Variants in NSD1 observed in about 807,000 individuals in gnomAD.
The protein encoded by NSD1 is histone-lysine N-methyltransferase, H3 lysine-36 specific.
NSD1 carries 26 observed loss-of-function variants against 242.7 expected under a neutral mutation model. The observed-to-expected ratio is 0.11, with a 90% CI of 0.08 to 0.15. The LOEUF (loss-of-function observed/expected upper bound fraction) is 0.15. Among genes scored for constraint, NSD1 ranks in the 10% least tolerant of loss-of-function variants. The pLI, the probability that NSD1 is intolerant of heterozygous loss-of-function variation, is 1.00. For missense variants in NSD1, 2,495 were observed against 3,272.8 expected, an observed-to-expected ratio of 0.76 and a Z score of 5.80; for synonymous variants, 1,106 against 1,178.1, an observed-to-expected ratio of 0.94 and a Z score of 1.25.
intron 2 of NSD1, among the ~76,000 whole-genome samples, chr5:177,190,694 G>T (rs546214045): frequency 7.9e-5 from 12 of 151,432 alleles, no homozygotes; most frequent in Non-Finnish European, 8.8e-5. Flanking sequence ...TTCCGAGACG[G>T]AGTCTTGCTC....
At chr5:177,286,844 C>T (rs900256440) in intron 20 of NSD1, among the ~76,000 whole-genome samples, 1 of 152,190 alleles carries the variant, frequency 6.6e-6, no homozygotes, top group African/African-American at 2.4e-5. Flanking sequence ...TTCCTGTGTT[C>T]ATCAGCTCAG....
At chr5:177,271,519 A>G (rs1204093030) in intron 16 of NSD1, among the ~76,000 whole-genome samples, 3 of 152,204 alleles carry the variant, frequency 2.0e-5, no homozygotes, top group African/African-American at 7.2e-5. Context: ...TGACTCTTAT[A>G]GTAGGGCCAG....
rs1379559226 is a variant in NSD1, at chr5:177,185,988, TTTTATATTATATAA to T, written c.928-5882_928-5869del. Among the ~76,000 whole-genome samples, 43 of 101,724 alleles carry T rather than the reference TTTTATATTATATAA, an allele frequency of 4.2e-4. No individual in the cohort carries two copies. The South Asian group carries it at 9.1e-3, about 21-fold the overall frequency. 66.7% of individuals were successfully genotyped at this position (101,724 alleles called of 152,430 possible). A position where few individuals can be genotyped will look rare whatever the true frequency, so the allele number is the denominator to read the frequency against. On this transcript the variant is annotated intron_variant, in intron 2 of 22. Coordinates refer to ENST00000439151, the MANE Select transcript of NSD1 (RefSeq NM_022455.5). ...ATATAACTATATTATATATTATATA[TTTTATATTATATAA>T]TTTATATTATATATTATATATTATA... is the stretch of plus-strand genomic sequence containing the variant.
chr5:177,193,700 C>G (rs970060090), intron 3 of NSD1, among the ~76,000 whole-genome samples: 12 of 152,192 alleles, frequency 7.9e-5, no homozygotes, highest in African/African-American at 2.9e-4. Flanking sequence ...TCAGCTTACT[C>G]TCTGCTTTGC....
At chr5:177,188,956 T>C (rs1174152892) in intron 2 of NSD1, among the ~76,000 whole-genome samples, 1 of 151,944 alleles carries the variant, frequency 6.6e-6, no homozygotes, top group Non-Finnish European at 1.5e-5. Context: ...GATGGGAGGA[T>C]GGGTTGAGCT....
chr5:177,221,301 GT>G (rs368752639), intron 5 of NSD1, among the ~76,000 whole-genome samples: 145 of 138,776 alleles, frequency 1.0e-3, no homozygotes, highest in African/African-American at 1.2e-3. Context: ...CTTGTTTTTT[GT>G]TTTTTTTTTT....
At chr5:177,194,602 T>A (rs55716241) in intron 3 of NSD1, among the ~76,000 whole-genome samples, 30,812 of 134,984 alleles carry the variant, frequency 0.23, 4,346 homozygotes, top group East Asian at 0.5. Context: ...TTTTTTTTTT[T>A]AAAAAGGATG....
At chr5:177,145,684 G>A (rs1757180962) in intron 2 of NSD1, among the ~76,000 whole-genome samples, 1 of 152,006 alleles carries the variant, frequency 6.6e-6, no homozygotes, top group Admixed American at 6.6e-5. Context: ...AGGCTGAGGT[G>A]GATCACCTGA....
intron 2 of NSD1, among the ~76,000 whole-genome samples, chr5:177,152,160 A>G (rs776072093): frequency 4.6e-5 from 7 of 151,880 alleles, no homozygotes; most frequent in Non-Finnish European, 8.8e-5. Context: ...GCACCTGGCC[A>G]TGCCCAGCTA....
intron 2 of NSD1, chr5:177,136,806 GTTTTA>G (rs1187640751): frequency 3.0e-5 from 18 of 597,896 alleles, no homozygotes; most frequent in South Asian, 7.7e-5. Context: ...GTTTTGTTTT[GTTTTA>G]TTTTATTTTA....
chr5:177,282,703 G>T, intron 19 of NSD1, 122 bp downstream of exon 19: 1 of 812,378 alleles, frequency 1.2e-6, no homozygotes. Flanking sequence ...TACCCATTGG[G>T]ATTGCTGGAT....
intron 2 of NSD1, among the ~76,000 whole-genome samples, chr5:177,146,197 C>T (rs1225306072): frequency 6.8e-6 from 1 of 147,176 alleles, no homozygotes; most frequent in Non-Finnish European, 1.5e-5. Flanking sequence ...TGATGTACTT[C>T]ACCAATCGTT....
In NSD1 at chr5:177,135,498, G is replaced by C. The variant is rs28932174; in HGVS notation, c.395G>C (p.Cys132Ser). The C allele has an allele frequency of 9.3e-5, 150 of 1,614,096 alleles. No individual in the cohort carries two copies. Among genetic ancestry groups the C allele is most frequent in the Non-Finnish European group, 1.2e-4 (145 of 1,180,054 alleles). Reference sequence around the variant, plus strand: ...CTTGCTATGAAACAGGAACCCTCTTGTAATAACTCCCCTGAACTCCAGGTA... The same window carrying C: ...CTTGCTATGAAACAGGAACCCTCTTCTAATAACTCCCCTGAACTCCAGGTA... Reference protein sequence around the residue: ...TALAMKQEPSCNNSPELQVKV... With the variant: ...TALAMKQEPSSNNSPELQVKV... Residue 132 changes from cysteine to serine, a missense_variant, in exon 2 of 23, where the codon TGT becomes TCT. Physicochemically the swap from Cys to Ser is moderately radical, Grantham distance 112 (BLOSUM62 -1). Around this residue, in one of 19 missense-constraint regions of NSD1, gnomAD observed 376 missense variants for 367.4 expected, o/e 1.02. Transcript: ENST00000439151.
rs1261536706 is a variant in NSD1 at position 177,299,420 on chromosome 5, T to C, written c.*3961T>C. The stretch of plus-strand genomic sequence containing the variant: ...TCCTATATCCAGGTGAAGGTGGCCA[T>C]TGAGTTTCTCAGGGCTGGGGCCACC... On this transcript the variant is annotated 3_prime_UTR_variant, in exon 23 of 23. Transcript: ENST00000439151. 2 of 233,114 alleles carry C rather than the reference T, an allele frequency of 8.6e-6. No homozygotes were observed. Among genetic ancestry groups the C allele is most frequent in the Non-Finnish European group, 1.7e-5 (2 of 118,030 alleles). 14.4% of individuals were successfully genotyped at this position (233,114 alleles called of 1,614,324 possible).
intron 5 of NSD1, among the ~76,000 whole-genome samples, chr5:177,235,339 C>T (rs1192878998): frequency 2.6e-5 from 4 of 152,014 alleles, no homozygotes; most frequent in Non-Finnish European, 5.9e-5. Flanking sequence ...AATTTGGGTC[C>T]CATCCCCAAG....
rs2878657 is a variant in NSD1, at chr5:177,237,063, G to A, written c.3921+1118G>A. 4.6e-5 allele frequency among the ~76,000 whole-genome samples: 7 copies of A among 152,114 alleles called. No individual in the cohort carries two copies. In the East Asian group the frequency reaches 1.2e-3, roughly 25 times the overall value. ...CCACTATGTTGCCCTGGCTGGTCTC[G>A]AATTCCTGGGCTCCAGTGATCTTTC... On this transcript the variant is annotated intron_variant, in intron 6 of 22. Transcript: ENST00000439151.
In NSD1 at chr5:177,210,871, G is replaced by A. The variant is rs766789835; in HGVS notation, c.2472G>A (p.Leu824=). The change falls in exon 5 of 23, where the codon TTG becomes TTA. Residue 824 remains leucine (L), a synonymous_variant. Coordinates refer to ENST00000439151, the MANE Select transcript of NSD1 (RefSeq NM_022455.5). ...CCSSDTKGSP[L]ASISKSGKVD... The stretch of plus-strand genomic sequence containing the variant: ...CTTCTGATACCAAAGGCTCTCCTTT[G>A]GCCAGCATTTCTAAAAGTGGGAAAG... 9.3e-6 allele frequency: 15 copies of A among 1,614,012 alleles called. No individual in the cohort carries two copies. The highest frequency in any genetic ancestry group is 1.7e-5 in the Admixed American group (1 of 59,982).
intron 14 of NSD1, chr5:177,266,274 T>G (rs1757450767): frequency 2.7e-6 from 2 of 749,352 alleles, no homozygotes; most frequent in African/African-American, 1.7e-5. Flanking sequence ...TTGGTGATGG[T>G]CACCAAGTGG....
chr5:177,297,204 T>G lies in NSD1; in HGVS notation c.*1745T>G, dbSNP rs1760309666. ...TGTCCTGAGTTTAGGGGCCTATCCCTGCATTTCACTGAGACCTCGGAATCT... is the reference window on the plus strand; with the variant it reads ...TGTCCTGAGTTTAGGGGCCTATCCCGGCATTTCACTGAGACCTCGGAATCT... On this transcript the variant is annotated 3_prime_UTR_variant, in exon 23 of 23. Coordinates refer to ENST00000439151, the MANE Select transcript of NSD1 (RefSeq NM_022455.5). 1 of 232,480 alleles carries G rather than the reference T, an allele frequency of 4.3e-6. No homozygotes were observed. Among genetic ancestry groups the G allele is most frequent in the East Asian group, 6.1e-5 (1 of 16,506 alleles). The allele number at this position is 232,480 out of a possible 1,614,324, so 14.4% of individuals were successfully genotyped here.
Sources: allele counts gnomAD v4.1 joint callset (sites outside exome capture counted in the v4.1 genomes callset), GRCh38; gene constraint gnomAD v4.1.1; regional missense constraint gnomAD v4.1.1; transcripts MANE v1.5; gene names NCBI Gene and HGNC (gene_info 2026-07-23, HGNC 2026-07-21).